The following ADAMTS20 variants were observed in gnomAD, a reference collection of about 807,000 sequenced individuals.
ADAMTS20 encodes the protein A disintegrin and metalloproteinase with thrombospondin motifs 20.
Under a neutral mutation model 260.1 loss-of-function variants are expected in ADAMTS20, and 225 were observed. The ratio of observed to expected loss-of-function variants is 0.87; its 90% CI spans 0.78 to 0.97. The LOEUF is 0.97. Among genes scored for constraint, ADAMTS20 ranks in the 50% least tolerant of loss-of-function variants. ADAMTS20 has a pLI of 0.00. For synonymous variants in ADAMTS20, 802 were observed against 769.5 expected (o/e 1.04, Z -0.70); for missense variants, 2,400 against 2,337.7 (o/e 1.03, Z -0.55).
intron 28 of ADAMTS20, among the ~76,000 whole-genome samples, chr12:43,405,080 G>A (rs112793189): frequency 2.6e-5 from 4 of 151,536 alleles, no homozygotes; most frequent in African/African-American, 9.7e-5. Flanking sequence ...CTCCACATTT[G>A]CAGATAAGGA....
intron 28 of ADAMTS20, among the ~76,000 whole-genome samples, chr12:43,410,022 T>G (rs1361761364): frequency 6.6e-6 from 1 of 152,190 alleles, no homozygotes; most frequent in Non-Finnish European, 1.5e-5. Context: ...AAGCTAGAAT[T>G]TTATAGCTAG....
intron 11 of ADAMTS20, among the ~76,000 whole-genome samples, chr12:43,460,988 A>ATATATATATATATTTTTTTTTTTTTT: frequency 3.8e-5 from 1 of 26,396 alleles, no homozygotes; most frequent in Non-Finnish European, 6.7e-5. Context: ...ATATATATAT[A>ATATATATATATATTTTTTTTTTTTTT]TTTTTTTTTT....
chr12:43,538,998 A>G (rs1028550523), intron 2 of ADAMTS20, among the ~76,000 whole-genome samples: 1 of 144,438 alleles, frequency 6.9e-6, no homozygotes, highest in Admixed American at 7.2e-5. Flanking sequence ...TATCACACAG[A>G]CTGGAGTGCA....
chr12:43,425,340 T>C (rs1316939911), intron 28 of ADAMTS20, among the ~76,000 whole-genome samples, 174 bp downstream of exon 28: 2 of 152,112 alleles, frequency 1.3e-5, no homozygotes, highest in African/African-American at 4.8e-5. Context: ...GATGGGATCA[T>C]CTGTGCAGCG....
intron 19 of ADAMTS20, chr12:43,433,923 T>TA (rs1941500263): frequency 5.5e-6 from 2 of 364,700 alleles, no homozygotes; most frequent in Admixed American, 4.1e-5. Flanking sequence ...AGAATCATGC[T>TA]AAAAAATTTA....
chr12:43,518,809 T>C (rs899683724), intron 3 of ADAMTS20, among the ~76,000 whole-genome samples: 3 of 131,264 alleles, frequency 2.3e-5, no homozygotes, highest in African/African-American at 8.7e-5. Context: ...ATCCTTCCAC[T>C]GGCTCAGGAA....
intron 2 of ADAMTS20, among the ~76,000 whole-genome samples, chr12:43,534,791 T>C (rs569096790): frequency 6.6e-6 from 1 of 152,270 alleles, no homozygotes; most frequent in South Asian, 2.1e-4. Flanking sequence ...AAACTAAATA[T>C]TTCTATTTGC....
At chr12:43,521,025 G>A (rs781710346) in intron 3 of ADAMTS20, among the ~76,000 whole-genome samples, 1 of 152,144 alleles carries the variant, frequency 6.6e-6, no homozygotes, top group Non-Finnish European at 1.5e-5. Flanking sequence ...ATATTCCAGT[G>A]GCCAATGGAC....
intron 4 of ADAMTS20, among the ~76,000 whole-genome samples, chr12:43,500,054 A>G (rs925384912): frequency 4.0e-5 from 6 of 149,314 alleles, no homozygotes; most frequent in Admixed American, 6.6e-5. Context: ...TTTGAGAGAG[A>G]GTCTCAGTCT....
At chr12:43,435,309 T>C (rs1941529671) in intron 18 of ADAMTS20, among the ~76,000 whole-genome samples, 2 of 152,176 alleles carry the variant, frequency 1.3e-5, no homozygotes, top group African/African-American at 4.8e-5. Flanking sequence ...TTCTGTACTT[T>C]CTACTCAATT....
chr12:43,404,178 G>GACACACAC lies in ADAMTS20; in HGVS notation c.4285-4953_4285-4946dup, dbSNP rs3031172. Among the ~76,000 whole-genome samples, 1,225 of 145,992 alleles carry GACACACAC rather than the reference G, an allele frequency of 8.4e-3. 6 individuals are homozygous for GACACACAC. Among genetic ancestry groups the GACACACAC allele is most frequent in the Admixed American group, 0.017 (251 of 14,544 alleles). ...CTGCTGAGAACAGACATATTGTGGG[G>GACACACAC]ACACACACACACACACACACACACA... is the stretch of plus-strand genomic sequence containing the variant. On this transcript the variant is annotated intron_variant, in intron 28 of 38. Transcript: ENST00000389420.
chr12:43,515,777 T>C (rs1942992020), intron 3 of ADAMTS20, among the ~76,000 whole-genome samples: 2 of 152,178 alleles, frequency 1.3e-5, no homozygotes, highest in South Asian at 4.1e-4. Context: ...TTGTCAGCTG[T>C]TACTAAGTTC....
intron 29 of ADAMTS20, among the ~76,000 whole-genome samples, chr12:43,397,568 A>G (rs2137249632): frequency 6.6e-6 from 1 of 152,310 alleles, no homozygotes; most frequent in East Asian, 1.9e-4. Context: ...CTATGGAGGC[A>G]AGGAAAAAGG....
intron 29 of ADAMTS20, among the ~76,000 whole-genome samples, chr12:43,391,709 A>C (rs1309081964): frequency 6.6e-6 from 1 of 152,156 alleles, no homozygotes; most frequent in Non-Finnish European, 1.5e-5. Flanking sequence ...CACCAAGTTC[A>C]TTATTTCTGC....
intron 3 of ADAMTS20, among the ~76,000 whole-genome samples, chr12:43,507,102 T>C (rs1942855115): frequency 6.6e-6 from 1 of 152,200 alleles, no homozygotes; most frequent in South Asian, 2.1e-4. Context: ...AGCTTTTATG[T>C]GTTTTCACCA....
intron 37 of ADAMTS20, among the ~76,000 whole-genome samples, chr12:43,364,822 A>G (rs562209329): frequency 6.6e-6 from 1 of 152,270 alleles, no homozygotes; most frequent in African/African-American, 2.4e-5. Flanking sequence ...TAATGACTGA[A>G]AATTTTCCAA....
chr12:43,409,388 G>A (rs1334737557), intron 28 of ADAMTS20, among the ~76,000 whole-genome samples: 1 of 151,516 alleles, frequency 6.6e-6, no homozygotes, highest in Non-Finnish European at 1.5e-5. Context: ...GGATCACGAG[G>A]TCAGGAGATC....
At chr12:43,361,260 A>G (rs552944889) in intron 37 of ADAMTS20, among the ~76,000 whole-genome samples, 1 of 152,366 alleles carries the variant, frequency 6.6e-6, no homozygotes, top group Non-Finnish European at 1.5e-5. Context: ...GCATCTGGAG[A>G]GTATTCATGC....
In ADAMTS20 at chr12:43,532,089, C is replaced by T. The variant is rs1943229273; in HGVS notation, c.560G>A (p.Arg187Lys). The T allele has an allele frequency of 1.9e-6, 3 of 1,610,144 alleles. No individual in the cohort carries two copies. Among genetic ancestry groups the T allele is most frequent in the Non-Finnish European group, 1.7e-6 (2 of 1,178,002 alleles). ...DGHNKPHLIY[R>K]QDLNNSFLQT... ...CAGAAAAGAGTTATTTAAGTCTTGT[C>T]TGTATATAAGATGTGGCTTGTTGTG... is the stretch of plus-strand genomic sequence containing the variant. The change falls in exon 3 of 39, where the codon AGA becomes AAA. Residue 187 changes from arginine to lysine, a missense_variant. Transcript: ENST00000389420.
Sources: gnomAD v4.1 joint callset for allele counts (sites outside exome capture counted in the v4.1 genomes callset) on GRCh38, gnomAD v4.1.1 for gene constraint, MANE v1.5 for transcripts, NCBI Gene and HGNC (gene_info 2026-07-23, HGNC 2026-07-21) for gene names.